The following VCF2 variants were observed in gnomAD, a reference collection of about 807,000 sequenced individuals.
VCF2 encodes protein VCF2.
the VCF2 span, among the ~76,000 whole-genome samples, chrX:55,155,643 T>C: frequency 9.0e-6 from 1 of 111,257 alleles, no homozygotes; most frequent in African/African-American, 3.3e-5. Context: ...TGAGCACGAA[T>C]GGAGGTGAGA....
chrX:55,160,974 C>T, the VCF2 span: 2 of 1,166,713 alleles, frequency 1.7e-6, no homozygotes, highest in Non-Finnish European at 2.3e-6. Context: ...AACACTGTCA[C>T]CTGCAGGTCA....
At chrX:55,157,944 C>T in the VCF2 span, among the ~76,000 whole-genome samples, 1 of 112,448 alleles carries the variant, frequency 8.9e-6, no homozygotes, top group Non-Finnish European at 1.9e-5. Context: ...AGTCTTATAC[C>T]TATGTACTAG....
the VCF2 span, among the ~76,000 whole-genome samples, chrX:55,154,723 C>T: frequency 8.9e-6 from 1 of 112,204 alleles, no homozygotes; most frequent in Non-Finnish European, 1.9e-5. Flanking sequence ...TCAAAATCAC[C>T]GTGTGGTTTT....
At chrX:55,150,845 T>C in the VCF2 span, among the ~76,000 whole-genome samples, 3 of 111,924 alleles carry the variant, frequency 2.7e-5, 1 homozygote, top group Middle Eastern at 9.3e-3. Context: ...AATGTGTTCA[T>C]AAACATTGAG....
chrX:55,143,918 A>T, the VCF2 span: 4 of 964,557 alleles, frequency 4.1e-6, no homozygotes, highest in Non-Finnish European at 5.9e-6. Flanking sequence ...ATTTACTAGG[A>T]CAAGAGATTT....
At chrX:55,160,832 C>G in the VCF2 span, 1 of 1,155,831 alleles carries the variant, frequency 8.7e-7, no homozygotes, top group Admixed American at 2.6e-5. Context: ...ATCCCCACCT[C>G]ACCCCCGCCT....
chrX:55,154,707 T>C, the VCF2 span, among the ~76,000 whole-genome samples: 1 of 112,440 alleles, frequency 8.9e-6, no homozygotes, highest in Non-Finnish European at 1.9e-5. Context: ...TGTTTCAGAA[T>C]AGGCATCAAA....
the VCF2 span, among the ~76,000 whole-genome samples, chrX:55,156,124 G>C: frequency 2.7e-5 from 3 of 109,690 alleles, no homozygotes; most frequent in African/African-American, 1.0e-4. Flanking sequence ...GCTAATTTTT[G>C]TATTTCTTTA....
the VCF2 span, chrX:55,145,704 T>C: frequency 1.3e-6 from 1 of 764,003 alleles, no homozygotes; most frequent in Non-Finnish European, 1.6e-6. Flanking sequence ...ACTGTATTTT[T>C]AAAAATGAAG....
At chrX:55,145,730 A>G in the VCF2 span, 48 of 765,224 alleles carry the variant, frequency 6.3e-5, no homozygotes, top group Non-Finnish European at 7.1e-5. Context: ...CTTGTATTTT[A>G]AAAAGATGTT....
chrX:55,145,806 CAGG>C, the VCF2 span: 3 of 872,243 alleles, frequency 3.4e-6, no homozygotes, highest in East Asian at 7.4e-5. Flanking sequence ...CTTCAATGCA[CAGG>C]AGAAGTTTCC....
At chrX:55,150,896 C>A in the VCF2 span, among the ~76,000 whole-genome samples, 1 of 111,378 alleles carries the variant, frequency 9.0e-6, no homozygotes, top group East Asian at 2.8e-4. Context: ...TAATGGAAAA[C>A]TGAAATAATC....
the VCF2 span, chrX:55,145,315 A>G: frequency 1.3e-6 from 1 of 748,209 alleles, no homozygotes; most frequent in Non-Finnish European, 1.6e-6. Flanking sequence ...TTTAAGACAA[A>G]ATATTACATA....
chrX:55,143,374 G>A, the VCF2 span: 155 of 112,862 alleles, frequency 1.4e-3, 2 homozygotes, highest in Non-Finnish European at 2.6e-3. Context: ...AGGATCTCAC[G>A]GGATTTTACA....
the VCF2 span, among the ~76,000 whole-genome samples, chrX:55,151,213 T>C: frequency 1.8e-5 from 2 of 112,679 alleles, no homozygotes; most frequent in Non-Finnish European, 3.7e-5. Context: ...GCACTGATTT[T>C]ACTGAGGCTT....
the VCF2 span, among the ~76,000 whole-genome samples, chrX:55,153,355 A>ATT: frequency 1.3e-4 from 11 of 84,489 alleles, no homozygotes; most frequent in East Asian, 3.7e-4. Flanking sequence ...TTATTTATTA[A>ATT]TTTTTTTTTT....
At chrX:55,160,748 A>G in the VCF2 span, 6 of 961,328 alleles carry the variant, frequency 6.2e-6, no homozygotes, top group Middle Eastern at 2.6e-4. Context: ...GGTACCTAGC[A>G]GCCTCACCGA....
At chrX:55,155,444 A>C in the VCF2 span, among the ~76,000 whole-genome samples, 1 of 112,140 alleles carries the variant, frequency 8.9e-6, no homozygotes, top group African/African-American at 3.2e-5. Context: ...TGATACACGC[A>C]GAGGTAGAAT....
chrX:55,145,222 A>G, the VCF2 span: 159 of 589,949 alleles, frequency 2.7e-4, no homozygotes, highest in Middle Eastern at 3.0e-3. Context: ...TCAGTTTAGT[A>G]GCTTACACTG....
Sources: allele counts gnomAD v4.1 joint callset (sites outside exome capture counted in the v4.1 genomes callset), GRCh38; gene constraint gnomAD v4.1.1; transcripts MANE v1.5; gene names NCBI Gene and HGNC (gene_info 2026-07-23, HGNC 2026-07-21).